LINGO2: variants seen among roughly 807,000 people sequenced by gnomAD.
The protein encoded by LINGO2 is leucine rich repeat and Ig domain containing 2, also known as leucine-rich repeat and immunoglobulin-like domain-containing nogo receptor-interacting protein 2.
LINGO2 carries 14 observed loss-of-function variants against 30.6 expected under a neutral mutation model. The ratio of observed to expected loss-of-function variants is 0.46; its 90% CI spans 0.30 to 0.72. The LOEUF (loss-of-function observed/expected upper bound fraction) is 0.72. LINGO2 is among the 30% of genes least tolerant of loss of function. LINGO2 has a pLI of 0.07. For synonymous variants in LINGO2, 317 were observed against 288.5 expected, an observed-to-expected ratio of 1.10 and a Z score of -1.00; for missense variants, 729 against 751.7, an observed-to-expected ratio of 0.97 and a Z score of 0.35.
chr9:29,135,227 A>G, the LINGO2 span, among the ~76,000 whole-genome samples: 1 of 152,018 alleles, frequency 6.6e-6, no homozygotes, highest in African/African-American at 2.4e-5. Context: ...CTCTTTCCCA[A>G]CATGGGGAAA....
At chr9:28,693,074 G>C in the LINGO2 span, among the ~76,000 whole-genome samples, 9 of 151,816 alleles carry the variant, frequency 5.9e-5, no homozygotes, top group African/African-American at 2.2e-4. Context: ...GTCATTTTAG[G>C]TTGATAATTC....
intron 5 of LINGO2, among the ~76,000 whole-genome samples, chr9:27,993,215 CTT>C (rs1321712203): frequency 6.6e-6 from 1 of 152,080 alleles, no homozygotes; most frequent in Non-Finnish European, 1.5e-5. Flanking sequence ...TTTCCCCCCT[CTT>C]TTTCTTTGCC....
chr9:28,832,763 T>C, the LINGO2 span, among the ~76,000 whole-genome samples: 1 of 152,190 alleles, frequency 6.6e-6, no homozygotes, highest in Non-Finnish European at 1.5e-5. Flanking sequence ...CTCTACATTG[T>C]TCCTTCCTTG....
intron 4 of LINGO2, among the ~76,000 whole-genome samples, chr9:28,107,810 T>G (rs187171885): frequency 2.0e-4 from 31 of 152,124 alleles, no homozygotes; most frequent in African/African-American, 6.8e-4. Context: ...TTTTGAGATA[T>G]AAAACACCTC....
upstream of LINGO2, among the ~76,000 whole-genome samples, chr9:28,671,187 T>C (rs1828994388): frequency 6.6e-6 from 1 of 152,000 alleles, no homozygotes; most frequent in Admixed American, 6.6e-5. Flanking sequence ...CAAATCTCAG[T>C]GAATCAGCAC....
chr9:28,939,299 T>C, the LINGO2 span, among the ~76,000 whole-genome samples: 1 of 152,152 alleles, frequency 6.6e-6, no homozygotes, highest in Non-Finnish European at 1.5e-5. Context: ...ACATTTGAGG[T>C]TGGAATCATT....
At chr9:28,064,232 T>C (rs1258310843) in intron 4 of LINGO2, among the ~76,000 whole-genome samples, 1 of 152,104 alleles carries the variant, frequency 6.6e-6, no homozygotes, top group Non-Finnish European at 1.5e-5. Flanking sequence ...TCAGGGTAGA[T>C]TGCCATTTTC....
the LINGO2 span, among the ~76,000 whole-genome samples, chr9:28,848,260 A>AGT: frequency 1.0e-5 from 1 of 96,136 alleles, no homozygotes; most frequent in African/African-American, 5.8e-5. Flanking sequence ...ACGCATATAT[A>AGT]GTGTATATAT....
At chr9:28,262,778 T>C (rs1471075254) in intron 4 of LINGO2, among the ~76,000 whole-genome samples, 1 of 151,914 alleles carries the variant, frequency 6.6e-6, no homozygotes, top group Non-Finnish European at 1.5e-5. Context: ...ATATAGGGGA[T>C]TTTCCAACTA....
the LINGO2 span, among the ~76,000 whole-genome samples, chr9:28,918,050 C>G: frequency 6.6e-6 from 1 of 152,040 alleles, no homozygotes; most frequent in South Asian, 2.1e-4. Context: ...TCCAGTCATC[C>G]CTTACAGATA....
intron 4 of LINGO2, among the ~76,000 whole-genome samples, chr9:28,141,639 G>A (rs1467628498): frequency 6.6e-6 from 1 of 152,116 alleles, no homozygotes; most frequent in Non-Finnish European, 1.5e-5. Context: ...ATTCTTGGCT[G>A]GGTGCGGTGG....
intron 4 of LINGO2, among the ~76,000 whole-genome samples, chr9:28,271,881 C>T (rs753155138): frequency 3.0e-4 from 45 of 152,180 alleles, no homozygotes; most frequent in Non-Finnish European, 6.3e-4. Flanking sequence ...CAGTCCTTAT[C>T]TCAGGCCTTC....
chr9:27,951,006 C>T (rs1013568375), intron 5 of LINGO2, among the ~76,000 whole-genome samples: 1 of 152,132 alleles, frequency 6.6e-6, no homozygotes, highest in African/African-American at 2.4e-5. Context: ...ATGTGTGACA[C>T]AGACTGTGAG....
chr9:28,350,801 C>G (rs1490596788), intron 3 of LINGO2, among the ~76,000 whole-genome samples: 1 of 151,224 alleles, frequency 6.6e-6, no homozygotes, highest in Non-Finnish European at 1.5e-5. Flanking sequence ...CAAACTATCT[C>G]TCAGACCACA....
chr9:29,135,967 A>G, the LINGO2 span, among the ~76,000 whole-genome samples: 1 of 152,098 alleles, frequency 6.6e-6, no homozygotes, highest in Non-Finnish European at 1.5e-5. Context: ...TTCCTTTATA[A>G]GGCTTAGACA....
intron 1 of LINGO2, among the ~76,000 whole-genome samples, chr9:28,614,645 G>A (rs1826058632): frequency 1.3e-5 from 2 of 152,098 alleles, no homozygotes; most frequent in Non-Finnish European, 2.9e-5. Flanking sequence ...AAATATATCG[G>A]TGAAATTTAG....
chr9:29,018,283 C>G, the LINGO2 span, among the ~76,000 whole-genome samples: 1 of 151,288 alleles, frequency 6.6e-6, no homozygotes. Flanking sequence ...AACAGAGCAA[C>G]AGAGACTCAA....
chr9:28,341,917 T>C (rs1339072750), intron 3 of LINGO2, among the ~76,000 whole-genome samples: 1 of 152,140 alleles, frequency 6.6e-6, no homozygotes, highest in East Asian at 1.9e-4. Context: ...CTGTGACCAA[T>C]AACACATTTA....
rs574251451 is a variant in LINGO2 at position 27,999,192 on chromosome 9, A to G, written c.-36+13163T>C. 7.2e-5 allele frequency among the ~76,000 whole-genome samples: 11 copies of G among 152,196 alleles called. No homozygotes were observed. In the South Asian group the frequency reaches 2.3e-3, roughly 32 times the overall value. Reference sequence around the variant, plus strand: ...AAATGAAAAAGCAAAAAAAAACCCAACACTGCCAACAACAACAACATACTC... The same window carrying G: ...AAATGAAAAAGCAAAAAAAAACCCAGCACTGCCAACAACAACAACATACTC... On this transcript the variant is annotated intron_variant, in intron 5 of 5. Coordinates refer to ENST00000379992, the Ensembl canonical transcript of LINGO2.
Sources: gnomAD v4.1 joint callset for allele counts (sites outside exome capture counted in the v4.1 genomes callset) on GRCh38, gnomAD v4.1.1 for gene constraint, MANE v1.5 for transcripts, NCBI Gene and HGNC (gene_info 2026-07-23, HGNC 2026-07-21) for gene names.